The following NUGGC variants were observed in gnomAD, a reference collection of about 807,000 sequenced individuals.
The protein encoded by NUGGC is nuclear GTPase SLIP-GC.
NUGGC carries 58 observed loss-of-function variants against 92.6 expected under a neutral mutation model. That is an observed-to-expected ratio of 0.63 (90% CI 0.51 to 0.78). The LOEUF is 0.78. Ranked by LOEUF, NUGGC falls within the 30% of genes least tolerant of loss-of-function variation. The pLI, the probability that NUGGC is intolerant of heterozygous loss-of-function variation, is 0.00. For missense variants in NUGGC, 925 were observed against 964.6 expected (o/e 0.96, Z 0.54); for synonymous variants, 376 against 366.4 (o/e 1.03, Z -0.30).
At chr8:28,067,160 C>A (rs751869656) in intron 6 of NUGGC, among the ~76,000 whole-genome samples, 14 of 152,158 alleles carry the variant, frequency 9.2e-5, no homozygotes, top group Non-Finnish European at 1.9e-4. Flanking sequence ...ACCAACCCCA[C>A]CCCTACTGCC....
Position 28,068,259 on chromosome 8 carries a change from C to G in NUGGC, c.437G>C (p.Cys146Ser), listed in dbSNP as rs1353395196. The G allele has an allele frequency of 6.4e-7, 1 of 1,550,482 alleles. No homozygotes were observed. The highest frequency in any genetic ancestry group is 1.4e-5 in the African/African-American group (1 of 72,988). Residue 146 changes from cysteine (C) to serine (S), a missense_variant, in exon 5 of 19, where the codon TGC becomes TCC. Cys to Ser is a moderately radical substitution (Grantham distance 112). Transcript: ENST00000413272. ...TSCIVQVSSG[C>S]CVQYEAKIHL... ...GATTTTGGCCTCATACTGCACACAG[C>G]AGCCAGAGCTCACTTGTACAATGCA... is the stretch of plus-strand genomic sequence containing the variant.
intron 1 of NUGGC, among the ~76,000 whole-genome samples, chr8:28,078,391 T>G (rs1411190313): frequency 6.6e-6 from 1 of 151,866 alleles, no homozygotes; most frequent in Non-Finnish European, 1.5e-5. Context: ...GATAAACAAA[T>G]GGGGGTAGTT....
At chr8:28,029,193 C>T in intron 17 of NUGGC, 73 bp downstream of exon 17, 1 of 1,503,986 alleles carries the variant, frequency 6.6e-7, no homozygotes, top group Non-Finnish European at 9.0e-7. Context: ...ATGCCTTCCA[C>T]CTTCTGCACT....
chr8:28,064,539 C>T lies in NUGGC; in HGVS notation c.904G>A (p.Asp302Asn), dbSNP rs780889384. 6.2e-7 allele frequency: 1 copy of T among 1,613,918 alleles called. No homozygotes were observed. The highest frequency in any genetic ancestry group is 1.3e-5 in the African/African-American group (1 of 74,948). Reference sequence around the variant, plus strand: ...ACAGTCACCTTTTTCCACATCTCGTCCCTCTTGCTGTTGAAGTCGCCTGTG... The same window carrying T: ...ACAGTCACCTTTTTCCACATCTCGTTCCTCTTGCTGTTGAAGTCGCCTGTG... ...PGTGDFNSKR[D>N]EMWKKTIDKC... Residue 302 changes from aspartate (D) to asparagine (N), a missense_variant, in exon 7 of 19, where the codon GAC becomes AAC. By Grantham distance (23) the Asp-to-Asn change is conservative. Coordinates refer to ENST00000413272, the MANE Select transcript of NUGGC (RefSeq NM_001010906.2).
intron 9 of NUGGC, among the ~76,000 whole-genome samples, chr8:28,056,457 G>T (rs183012052): frequency 6.7e-6 from 1 of 149,374 alleles, no homozygotes; most frequent in Non-Finnish European, 1.5e-5. Flanking sequence ...CAGCCTGGGC[G>T]ACAGAGTGAG....
chr8:28,075,406 A>C (rs1810696346), intron 1 of NUGGC, among the ~76,000 whole-genome samples: 1 of 152,174 alleles, frequency 6.6e-6, no homozygotes, highest in Admixed American at 6.5e-5. Context: ...ACATAGAGGG[A>C]GAACTGGACC....
At chr8:28,040,498 C>T (rs1209726257) in intron 13 of NUGGC, among the ~76,000 whole-genome samples, 1 of 152,216 alleles carries the variant, frequency 6.6e-6, no homozygotes, top group Non-Finnish European at 1.5e-5. Flanking sequence ...GGTACTCCAA[C>T]CAAGACCCTC....
chr8:28,075,424 G>T (rs1043054073), intron 1 of NUGGC, among the ~76,000 whole-genome samples: 1 of 152,192 alleles, frequency 6.6e-6, no homozygotes, highest in African/African-American at 2.4e-5. Context: ...ACCCGTGGAG[G>T]CTCAGAACAG....
At chr8:28,027,667 A>G (rs534128951) in intron 17 of NUGGC, among the ~76,000 whole-genome samples, 2 of 152,256 alleles carry the variant, frequency 1.3e-5, no homozygotes, top group South Asian at 2.1e-4. Context: ...TGGATCTCCT[A>G]CGCTTTTTCT....
In NUGGC at chr8:28,058,247, T is replaced by C. The variant is rs1397564270; in HGVS notation, c.1116+11A>G. The C allele has an allele frequency of 2.0e-6, 1 of 494,074 alleles. No individual in the cohort carries two copies. Among genetic ancestry groups the C allele is most frequent in the Non-Finnish European group, 3.2e-6 (1 of 316,542 alleles). The allele number at this position is 494,074 out of a possible 1,614,324, so 30.6% of individuals were successfully genotyped here. A position where few individuals can be genotyped will look rare whatever the true frequency, so the allele number is the denominator to read the frequency against. On this transcript the variant is annotated intron_variant, in intron 9 of 18. Coordinates refer to ENST00000413272, the MANE Select transcript of NUGGC (RefSeq NM_001010906.2). ...TAAAAATAAAAATAAAAAAAACTAGTTCATACTTACATTTCCTGCCTTTCT... is the reference window on the plus strand; with the variant it reads ...TAAAAATAAAAATAAAAAAAACTAGCTCATACTTACATTTCCTGCCTTTCT...
At chr8:28,079,720 C>T (rs139620826) in intron 1 of NUGGC, among the ~76,000 whole-genome samples, 34 of 152,284 alleles carry the variant, frequency 2.2e-4, no homozygotes, top group African/African-American at 6.7e-4. Flanking sequence ...ACTATTTAAA[C>T]AAGCCCCCTG....
intron 10 of NUGGC, among the ~76,000 whole-genome samples, chr8:28,052,762 T>A (rs1035182817): frequency 6.6e-6 from 1 of 152,236 alleles, no homozygotes; most frequent in African/African-American, 2.4e-5. Context: ...GTCACAGCTG[T>A]TCACATTGCC....
At chr8:28,031,562 A>T (rs1423537288) in intron 14 of NUGGC, among the ~76,000 whole-genome samples, 181 bp from the exon 15 acceptor site, 1 of 152,212 alleles carries the variant, frequency 6.6e-6, no homozygotes. Flanking sequence ...ATAAAAACCT[A>T]TGAAGTTCGT....
intron 9 of NUGGC, among the ~76,000 whole-genome samples, chr8:28,056,504 A>G (rs564189269): frequency 3.4e-3 from 512 of 151,702 alleles, no homozygotes; most frequent in Non-Finnish European, 6.2e-3. Flanking sequence ...TACACAGTTG[A>G]CCCTTGGACT....
chr8:28,032,304 C>T (rs760935627), intron 14 of NUGGC, among the ~76,000 whole-genome samples: 4 of 152,116 alleles, frequency 2.6e-5, no homozygotes, highest in Admixed American at 1.3e-4. Context: ...CAAGCAAAGG[C>T]TGGAGAATGG....
At chr8:28,057,530 C>T (rs974015783) in intron 9 of NUGGC, among the ~76,000 whole-genome samples, 11 of 151,830 alleles carry the variant, frequency 7.2e-5, no homozygotes, top group South Asian at 4.2e-4. Context: ...TTAGTAGAAA[C>T]GGGGTTTCAC....
chr8:28,031,879 A>T (rs888129929), intron 14 of NUGGC, among the ~76,000 whole-genome samples: 6 of 152,380 alleles, frequency 3.9e-5, no homozygotes, highest in Admixed American at 6.5e-5. Context: ...AGAGAGCACA[A>T]GCTTTAAATC....
chr8:28,029,038 T>C (rs1156341754), intron 17 of NUGGC, among the ~76,000 whole-genome samples: 1 of 152,108 alleles, frequency 6.6e-6, no homozygotes, highest in East Asian at 1.9e-4. Context: ...CTAATGTAAA[T>C]AGCTGAGCAC....
chr8:28,066,428 A>G (rs953094826), intron 6 of NUGGC, among the ~76,000 whole-genome samples: 1 of 152,214 alleles, frequency 6.6e-6, no homozygotes, highest in Non-Finnish European at 1.5e-5. Flanking sequence ...TTTAACTGTA[A>G]TGCAAAAAGC....
Sources: gnomAD v4.1 joint callset for allele counts (sites outside exome capture counted in the v4.1 genomes callset) on GRCh38, gnomAD v4.1.1 for gene constraint, MANE v1.5 for transcripts, NCBI Gene and HGNC (gene_info 2026-07-23, HGNC 2026-07-21) for gene names.